The following GRM8 variants were observed in gnomAD, a reference collection of about 807,000 sequenced individuals.
The protein encoded by GRM8 is metabotropic glutamate receptor 8.
Under a neutral mutation model 87.2 loss-of-function variants are expected in GRM8, and 47 were observed. The ratio of observed to expected loss-of-function variants is 0.54; its 90% CI spans 0.43 to 0.69. GRM8 has a LOEUF of 0.69. Among genes scored for constraint, GRM8 ranks in the 30% least tolerant of loss-of-function variants. The pLI, the probability that GRM8 is intolerant of heterozygous loss-of-function variation, is 0.00. For missense variants in GRM8, 1,019 were observed against 1,139.2 expected (o/e 0.89, Z 1.52); for synonymous variants, 396 against 404.5 (o/e 0.98, Z 0.25).
At position 126,744,504 on chromosome 7, in the gene GRM8, C is replaced by T. The variant is rs535966917; in HGVS notation, c.1357+25361G>A. On this transcript the variant is annotated intron_variant, in intron 7 of 10. Transcript: ENST00000339582. ...ACTAGCGTAATGTTTTGTTATTATA[C>T]AATAAAATGTTCCAACATTTAAAAG... Among the ~76,000 whole-genome samples, 7 of 152,000 alleles carry T rather than the reference C, an allele frequency of 4.6e-5. No individual in the cohort carries two copies. In the East Asian group the frequency reaches 1.2e-3, roughly 25 times the overall value.
At chr7:127,018,293 TAA>T (rs1586765791) in intron 3 of GRM8, among the ~76,000 whole-genome samples, 1 of 150,614 alleles carries the variant, frequency 6.6e-6, no homozygotes, top group East Asian at 2.0e-4. Flanking sequence ...TAATAAAAAA[TAA>T]TAATAAGGAA....
At chr7:126,954,047 G>A (rs1481816175) in intron 3 of GRM8, among the ~76,000 whole-genome samples, 2 of 152,074 alleles carry the variant, frequency 1.3e-5, no homozygotes, top group African/African-American at 2.4e-5. Flanking sequence ...GTTGCACAAC[G>A]CTGGCACACA....
chr7:126,958,856 TATACCAAATA>T (rs1246696313), intron 3 of GRM8, among the ~76,000 whole-genome samples: 1 of 152,236 alleles, frequency 6.6e-6, no homozygotes, highest in Non-Finnish European at 1.5e-5. Flanking sequence ...CATGTGCAGA[TATACCAAATA>T]ATCAACACTC....
intron 2 of GRM8, among the ~76,000 whole-genome samples, chr7:127,152,887 G>A (rs1483143160): frequency 1.3e-5 from 2 of 152,032 alleles, no homozygotes; most frequent in Non-Finnish European, 2.9e-5. Context: ...TAATAGTTTG[G>A]AACCACTTGT....
chr7:127,057,057 C>T (rs12669516), intron 3 of GRM8, among the ~76,000 whole-genome samples: 12,141 of 152,132 alleles, frequency 0.08, 529 homozygotes, highest in South Asian at 0.13. Flanking sequence ...AAAATTTGAA[C>T]TTTTGCTCAA....
chr7:127,159,840 T>A (rs1400071507), intron 2 of GRM8, among the ~76,000 whole-genome samples: 1 of 151,920 alleles, frequency 6.6e-6, no homozygotes, highest in Admixed American at 6.6e-5. Context: ...AACAAAATAA[T>A]CCAAATGCTG....
intron 6 of GRM8, among the ~76,000 whole-genome samples, chr7:126,838,697 C>A (rs115888043): frequency 6.6e-6 from 1 of 152,150 alleles, no homozygotes; most frequent in Non-Finnish European, 1.5e-5. Context: ...TCTGTAGTTA[C>A]TAACAAACAA....
chr7:126,736,055 C>A (rs1814176816), intron 7 of GRM8, among the ~76,000 whole-genome samples: 2 of 151,988 alleles, frequency 1.3e-5, no homozygotes, highest in African/African-American at 4.8e-5. Flanking sequence ...GATGTAAGCT[C>A]TGGGTACAAA....
At chr7:126,750,636 G>T (rs1238853221) in intron 7 of GRM8, among the ~76,000 whole-genome samples, 2 of 151,900 alleles carry the variant, frequency 1.3e-5, no homozygotes, top group Non-Finnish European at 2.9e-5. Context: ...ATTTGTTTTA[G>T]CCACTGTCTT....
intron 7 of GRM8, among the ~76,000 whole-genome samples, chr7:126,736,902 C>G (rs1585721740): frequency 6.6e-6 from 1 of 152,028 alleles, no homozygotes; most frequent in East Asian, 1.9e-4. Flanking sequence ...ACCACCATTG[C>G]AAAATTATAA....
At chr7:126,671,823 A>G (rs1328355801) in intron 7 of GRM8, among the ~76,000 whole-genome samples, 4 of 152,174 alleles carry the variant, frequency 2.6e-5, no homozygotes, top group Admixed American at 2.6e-4. Flanking sequence ...TATGGCTACC[A>G]GTTATCTGGG....
At chr7:126,974,402 T>C (rs1050944709) in intron 3 of GRM8, among the ~76,000 whole-genome samples, 3 of 152,212 alleles carry the variant, frequency 2.0e-5, no homozygotes, top group Admixed American at 6.5e-5. Context: ...TGCTTCACTA[T>C]AGTAAACACC....
At chr7:127,111,654 C>G (rs1826359137) in intron 2 of GRM8, among the ~76,000 whole-genome samples, 1 of 152,228 alleles carries the variant, frequency 6.6e-6, no homozygotes, top group African/African-American at 2.4e-5. Flanking sequence ...CCTAAAGCCA[C>G]TTGACTTTTC....
intron 2 of GRM8, among the ~76,000 whole-genome samples, chr7:127,209,050 T>G (rs1024781366): frequency 6.6e-6 from 1 of 152,214 alleles, no homozygotes. Context: ...TTGGTGCTGC[T>G]GCACGGCTGC....
chr7:126,483,099 TTATA>T (rs1806898182), intron 9 of GRM8, among the ~76,000 whole-genome samples: 2 of 147,974 alleles, frequency 1.4e-5, no homozygotes, highest in Non-Finnish European at 3.0e-5. Flanking sequence ...TATTTATTTG[TTATA>T]TAAATATATA....
At chr7:126,928,691 T>C (rs1049026212) in intron 3 of GRM8, among the ~76,000 whole-genome samples, 2 of 144,138 alleles carry the variant, frequency 1.4e-5, no homozygotes, top group Non-Finnish European at 1.5e-5. Flanking sequence ...AAAAAAAAAG[T>C]GCAAGGCACT....
chr7:126,846,232 T>C (rs1192387248), intron 6 of GRM8, among the ~76,000 whole-genome samples: 1 of 152,172 alleles, frequency 6.6e-6, no homozygotes, highest in Non-Finnish European at 1.5e-5. Context: ...AATCTACTGT[T>C]AAAACTCAAA....
At chr7:127,083,945 C>A (rs773165392) in intron 3 of GRM8, among the ~76,000 whole-genome samples, 3 of 152,140 alleles carry the variant, frequency 2.0e-5, no homozygotes, top group Non-Finnish European at 4.4e-5. Context: ...ATTTGGGGAA[C>A]CTGAACACCT....
Position 126,594,942 on chromosome 7 carries a change from T to C in GRM8, c.1494+14420A>G, listed in dbSNP as rs867474046. ...CAATTCAATAAATGCTCATGGCAGGTTTCTTCATAACTATTTTACAGGTGT... is the reference window on the plus strand; with the variant it reads ...CAATTCAATAAATGCTCATGGCAGGCTTCTTCATAACTATTTTACAGGTGT... On this transcript the variant is annotated intron_variant, in intron 8 of 10. Transcript: ENST00000339582. Among the ~76,000 whole-genome samples the C allele has an allele frequency of 3.3e-5, 5 of 152,114 alleles. No homozygotes were observed. In the South Asian group the frequency reaches 1.0e-3, roughly 32 times the overall value.
Sources: gnomAD v4.1 joint callset for allele counts (sites outside exome capture counted in the v4.1 genomes callset) on GRCh38, gnomAD v4.1.1 for gene constraint, MANE v1.5 for transcripts, NCBI Gene and HGNC (gene_info 2026-07-23, HGNC 2026-07-21) for gene names.